Variants in DIAPH2 observed in about 807,000 individuals in gnomAD.
The protein encoded by DIAPH2 is protein diaphanous homolog 2.
A neutral mutation model predicts 92.7 loss-of-function variants in DIAPH2; 35 were observed. The ratio of observed to expected loss-of-function variants is 0.38; its 90% confidence interval spans 0.29 to 0.50. The LOEUF is 0.50. Among genes scored for constraint, DIAPH2 ranks in the 20% least tolerant of loss-of-function variants. The probability of loss-of-function intolerance (pLI) is 0.94; values close to 1 mark genes in which losing one functional copy is unlikely to be tolerated. For missense variants in DIAPH2, 701 were observed against 819.5 expected (o/e 0.86, Z 1.77); for synonymous variants, 301 against 280.4 (o/e 1.07, Z -0.73).
chrX:97,090,849 A>T (rs2066819845), intron 19 of DIAPH2, among the ~76,000 whole-genome samples: 1 of 111,666 alleles, frequency 9.0e-6, no homozygotes, highest in Non-Finnish European at 1.9e-5. Context: ...TAGTATTAAT[A>T]AAATGTAACC....
intron 26 of DIAPH2, among the ~76,000 whole-genome samples, chrX:97,464,202 T>C (rs184055506): frequency 0.033 from 3,385 of 102,949 alleles, 67 homozygotes; most frequent in Non-Finnish European, 0.049. Context: ...TGGTGGCTCA[T>C]GCCTGTAATC....
chrX:97,131,139 G>A (rs891234671), intron 21 of DIAPH2, among the ~76,000 whole-genome samples: 1 of 110,420 alleles, frequency 9.1e-6, no homozygotes, highest in African/African-American at 3.3e-5. Context: ...AGTGTTCACA[G>A]CAGCATTATC....
intron 22 of DIAPH2, among the ~76,000 whole-genome samples, chrX:97,159,890 A>G (rs1346000092): frequency 1.8e-5 from 2 of 111,475 alleles, no homozygotes; most frequent in African/African-American, 6.5e-5. Context: ...TGATCTTTAT[A>G]TTATACATAA....
At chrX:97,015,948 A>G (rs1409370513) in intron 17 of DIAPH2, among the ~76,000 whole-genome samples, 1 of 111,640 alleles carries the variant, frequency 9.0e-6, no homozygotes, top group South Asian at 3.8e-4. Context: ...AGCAAATTAT[A>G]TTTAAATAAG....
rs185846091 is a variant in DIAPH2, at chrX:96,779,750, T to A, written c.447+21492T>A. 4.7e-3 allele frequency among the ~76,000 whole-genome samples: 528 copies of A among 112,008 alleles called. 2 individuals are homozygous for A. Among genetic ancestry groups the A allele is most frequent in the Non-Finnish European group, 8.9e-3 (472 of 53,149 alleles). On this transcript the variant is annotated intron_variant, in intron 4 of 26. Transcript: ENST00000324765. The stretch of plus-strand genomic sequence containing the variant: ...AATGTGTTTTCTAAAAACAAAAAAA[T>A]TATGGTGTTTACATATAGAAATGTA...
At chrX:96,923,354 T>C (rs1247112363) in intron 9 of DIAPH2, among the ~76,000 whole-genome samples, 2 of 111,959 alleles carry the variant, frequency 1.8e-5, no homozygotes, top group Non-Finnish European at 3.8e-5. Flanking sequence ...ATATGCCCTT[T>C]CCTGATGTGT....
chrX:97,459,358 G>A (rs1022921550), intron 26 of DIAPH2, among the ~76,000 whole-genome samples: 1 of 111,817 alleles, frequency 8.9e-6, no homozygotes, highest in Non-Finnish European at 1.9e-5. Context: ...GTGACCTTGG[G>A]GCAGTGAATT....
intron 4 of DIAPH2, among the ~76,000 whole-genome samples, chrX:96,855,425 T>C (rs1379470224): frequency 9.0e-6 from 1 of 110,832 alleles, no homozygotes; most frequent in Admixed American, 9.6e-5. Flanking sequence ...ACTAAAAAAA[T>C]GTTTTGTTGC....
At chrX:97,058,092 C>T (rs968902555) in intron 17 of DIAPH2, among the ~76,000 whole-genome samples, 2 of 111,419 alleles carry the variant, frequency 1.8e-5, no homozygotes, top group Non-Finnish European at 3.8e-5. Flanking sequence ...TGTCTCATTC[C>T]ATTATATGTA....
intron 26 of DIAPH2, among the ~76,000 whole-genome samples, chrX:97,570,108 ATATATAT>A (rs1569426179): frequency 1.9e-4 from 6 of 31,666 alleles, no homozygotes; most frequent in African/African-American, 6.0e-4. Flanking sequence ...ATATATATAT[ATATATAT>A]ATATATATTA....
At chrX:96,991,849 G>A (rs760064507) in intron 17 of DIAPH2, among the ~76,000 whole-genome samples, 1 of 111,038 alleles carries the variant, frequency 9.0e-6, no homozygotes, top group South Asian at 3.8e-4. Context: ...CTAAGCTTGT[G>A]GGGTGGTATA....
In DIAPH2 at chrX:97,031,253, G is replaced by T. The variant is rs536323713; in HGVS notation, c.2051-41688G>T. Reference sequence around the variant, plus strand: ...TGTATGGAGGCCACTGGCTATTGGAGCCTGACAAGAGGTCTCCATAACTAG... The same window carrying T: ...TGTATGGAGGCCACTGGCTATTGGATCCTGACAAGAGGTCTCCATAACTAG... On this transcript the variant is annotated intron_variant, in intron 17 of 26. Coordinates refer to ENST00000324765, the MANE Select transcript of DIAPH2 (RefSeq NM_006729.5). Among the ~76,000 whole-genome samples, 24 of 98,389 alleles carry T rather than the reference G, an allele frequency of 2.4e-4. No individual in the cohort carries two copies. In the South Asian group the frequency reaches 0.013, roughly 54 times the overall value. The allele number at this position is 98,389 out of a possible 115,157, so 85.4% of individuals were successfully genotyped here. A position where few individuals can be genotyped will look rare whatever the true frequency, so the allele number is the denominator to read the frequency against.
intron 3 of DIAPH2, among the ~76,000 whole-genome samples, chrX:96,751,351 C>T (rs1364016862): frequency 9.2e-6 from 1 of 108,959 alleles, no homozygotes; most frequent in African/African-American, 3.3e-5. Context: ...CCGAGGCAGG[C>T]GGATCACGAG....
intron 22 of DIAPH2, among the ~76,000 whole-genome samples, chrX:97,194,997 C>A (rs1255858442): frequency 9.0e-6 from 1 of 111,449 alleles, no homozygotes; most frequent in Non-Finnish European, 1.9e-5. Flanking sequence ...ATTAAAAAAG[C>A]AAAAGCTAAT....
intron 23 of DIAPH2, among the ~76,000 whole-genome samples, chrX:97,250,849 A>T (rs1458952495): frequency 8.9e-6 from 1 of 112,041 alleles, no homozygotes; most frequent in Admixed American, 9.5e-5. Context: ...GTATCATTGA[A>T]TCACCTTTAT....
In DIAPH2 at chrX:97,032,583, T is replaced by G. The variant is rs2066383726; in HGVS notation, c.2051-40358T>G. ...CTTTTTTCTATTCTAATTTCCCTAATTTTTAAGCTCTTGGGGGGCCAGTGT... is the reference window on the plus strand; with the variant it reads ...CTTTTTTCTATTCTAATTTCCCTAAGTTTTAAGCTCTTGGGGGGCCAGTGT... On this transcript the variant is annotated intron_variant, in intron 17 of 26. Transcript: ENST00000324765. Among the ~76,000 whole-genome samples the G allele has an allele frequency of 1.8e-5, 2 of 109,960 alleles. 1 individual carries two copies. Among genetic ancestry groups the G allele is most frequent in the South Asian group, 8.0e-4 (2 of 2,495 alleles).
At chrX:96,946,835 G>A (rs1052684443) in intron 14 of DIAPH2, among the ~76,000 whole-genome samples, 1 of 111,577 alleles carries the variant, frequency 9.0e-6, no homozygotes, top group African/African-American at 3.3e-5. Flanking sequence ...GAGTCCTAAA[G>A]TAATAGAAAA....
chrX:97,549,804 G>A (rs1280253973), intron 26 of DIAPH2, among the ~76,000 whole-genome samples: 2 of 111,372 alleles, frequency 1.8e-5, no homozygotes, highest in Admixed American at 9.6e-5. Flanking sequence ...CTAATCATGA[G>A]GAAACATCAA....
At chrX:96,876,772 A>AG (rs1367909607) in intron 4 of DIAPH2, among the ~76,000 whole-genome samples, 2 of 99,888 alleles carry the variant, frequency 2.0e-5, no homozygotes, top group Non-Finnish European at 2.0e-5. Flanking sequence ...GGGTTTGGGG[A>AG]GGGGGGAGGG....
Sources: allele counts gnomAD v4.1 joint callset (sites outside exome capture counted in the v4.1 genomes callset), GRCh38; gene constraint gnomAD v4.1.1; transcripts MANE v1.5; gene names NCBI Gene and HGNC (gene_info 2026-07-23, HGNC 2026-07-21).